ANKS1B: variants seen among roughly 807,000 people sequenced by gnomAD.
The protein encoded by ANKS1B is ankyrin repeat and sterile alpha motif domain-containing protein 1B.
In ANKS1B, 36 loss-of-function variants were observed where a neutral mutation model predicts 148.3. The observed-to-expected ratio is 0.24, with a 90% CI of 0.19 to 0.32. The LOEUF is 0.32. ANKS1B is among the 10% of genes least tolerant of loss of function. ANKS1B has a pLI of 1.00. For missense variants in ANKS1B, 1,157 were observed against 1,542.6 expected, an observed-to-expected ratio of 0.75 and a Z score of 4.19; for synonymous variants, 542 against 560.8, an observed-to-expected ratio of 0.97 and a Z score of 0.47.
At chr12:99,702,466 A>G (rs1555554903) in intron 8 of ANKS1B, among the ~76,000 whole-genome samples, 1 of 151,998 alleles carries the variant, frequency 6.6e-6, no homozygotes. Flanking sequence ...GGTTGTCTGC[A>G]AATATTGTCT....
chr12:99,197,882 A>G (rs1174588064), intron 14 of ANKS1B, among the ~76,000 whole-genome samples: 1 of 152,160 alleles, frequency 6.6e-6, no homozygotes, highest in Non-Finnish European at 1.5e-5. Flanking sequence ...TTAAGCTTCC[A>G]AGTCTATGGT....
At chr12:99,099,866 T>C (rs1045112309) in intron 15 of ANKS1B, 4 of 152,144 alleles carry the variant, frequency 2.6e-5, no homozygotes, top group African/African-American at 9.7e-5. Context: ...AAAAGGTTTG[T>C]ACGTATTTTT....
At chr12:99,579,773 T>C (rs545021608) in intron 9 of ANKS1B, among the ~76,000 whole-genome samples, 1 of 152,242 alleles carries the variant, frequency 6.6e-6, no homozygotes, top group South Asian at 2.1e-4. Context: ...AGTCCACCCA[T>C]AGCAGAAAGC....
At chr12:98,875,443 C>G (rs1358967126) in intron 17 of ANKS1B, among the ~76,000 whole-genome samples, 1 of 152,168 alleles carries the variant, frequency 6.6e-6, no homozygotes, top group African/African-American at 2.4e-5. Flanking sequence ...CTCTTTCCAA[C>G]TCTCTCCTCC....
At chr12:99,032,024 G>A (rs2099952541) in intron 17 of ANKS1B, among the ~76,000 whole-genome samples, 1 of 152,132 alleles carries the variant, frequency 6.6e-6, no homozygotes, top group South Asian at 2.1e-4. Context: ...TGTCAGGCAG[G>A]CCCTTCTTCT....
chr12:99,095,119 A>C (rs1311585010), intron 15 of ANKS1B, among the ~76,000 whole-genome samples: 1 of 152,204 alleles, frequency 6.6e-6, no homozygotes, highest in African/African-American at 2.4e-5. Flanking sequence ...ATAGTCTTTG[A>C]TAAAGGTTCT....
intron 9 of ANKS1B, among the ~76,000 whole-genome samples, chr12:99,609,481 C>T (rs1305298090): frequency 2.0e-5 from 3 of 151,712 alleles, no homozygotes; most frequent in Admixed American, 6.6e-5. Flanking sequence ...AAGACCTTTG[C>T]TACCACAGGA....
At chr12:99,902,454 C>T (rs1353791666) in intron 1 of ANKS1B, among the ~76,000 whole-genome samples, 4 of 152,198 alleles carry the variant, frequency 2.6e-5, no homozygotes, top group African/African-American at 4.8e-5. Flanking sequence ...ATTCTAGGAG[C>T]GAGCAACGGA....
At chr12:99,357,150 T>C (rs1428938556) in intron 12 of ANKS1B, among the ~76,000 whole-genome samples, 2 of 152,084 alleles carry the variant, frequency 1.3e-5, no homozygotes, top group Non-Finnish European at 2.9e-5. Flanking sequence ...AATAATAAAA[T>C]TGGGTTCATT....
chr12:98,995,312 C>T (rs1568252902), intron 17 of ANKS1B, among the ~76,000 whole-genome samples: 1 of 152,034 alleles, frequency 6.6e-6, no homozygotes, highest in Non-Finnish European at 1.5e-5. Flanking sequence ...GGAAGCTGGC[C>T]AGGCATGGTG....
intron 10 of ANKS1B, among the ~76,000 whole-genome samples, chr12:99,488,924 G>A (rs973668218): frequency 2.0e-5 from 3 of 152,092 alleles, no homozygotes; most frequent in Non-Finnish European, 2.9e-5. Flanking sequence ...TGATGACAGA[G>A]CCATTATACT....
At chr12:98,955,971 G>A (rs926780248) in intron 17 of ANKS1B, among the ~76,000 whole-genome samples, 10 of 152,214 alleles carry the variant, frequency 6.6e-5, no homozygotes, top group African/African-American at 1.9e-4. Context: ...ACTTTGGGAT[G>A]TGACATTGGA....
chr12:99,173,137 A>G (rs921171252), intron 14 of ANKS1B, among the ~76,000 whole-genome samples: 2 of 152,196 alleles, frequency 1.3e-5, no homozygotes, highest in Admixed American at 6.5e-5. Context: ...TGAACACAGA[A>G]GAGGCACTGA....
chr12:99,444,692 C>A (rs1269985211), intron 10 of ANKS1B, among the ~76,000 whole-genome samples: 1 of 151,884 alleles, frequency 6.6e-6, no homozygotes, highest in East Asian at 1.9e-4. Flanking sequence ...ATGAAAACTG[C>A]TGCAAGCTCA....
At chr12:99,204,824 TA>T (rs1270345889) in intron 14 of ANKS1B, among the ~76,000 whole-genome samples, 1 of 152,180 alleles carries the variant, frequency 6.6e-6, no homozygotes, top group African/African-American at 2.4e-5. Context: ...CACACTGTCT[TA>T]TATTATTTTT....
intron 14 of ANKS1B, among the ~76,000 whole-genome samples, chr12:99,169,402 T>G (rs924577006): frequency 2.0e-5 from 3 of 152,020 alleles, no homozygotes; most frequent in African/African-American, 7.2e-5. Context: ...AAATGACATT[T>G]GGAAAGGATG....
At chr12:99,488,665 T>C (rs906582844) in intron 10 of ANKS1B, among the ~76,000 whole-genome samples, 5 of 152,150 alleles carry the variant, frequency 3.3e-5, no homozygotes, top group African/African-American at 9.7e-5. Context: ...CCATTACCAT[T>C]AAGAATGCAA....
chr12:99,591,368 T>G (rs2153234269), intron 9 of ANKS1B, among the ~76,000 whole-genome samples: 1 of 152,214 alleles, frequency 6.6e-6, no homozygotes, highest in East Asian at 1.9e-4. Flanking sequence ...AAGAAAAATA[T>G]TCTGATGGTC....
chr12:99,078,557 G>T (rs1410705400), intron 16 of ANKS1B, among the ~76,000 whole-genome samples: 1 of 152,240 alleles, frequency 6.6e-6, no homozygotes, highest in Middle Eastern at 3.4e-3. Flanking sequence ...CAGTAGCAAA[G>T]GTGGCTCTTA....
Sources: allele counts gnomAD v4.1 joint callset (sites outside exome capture counted in the v4.1 genomes callset), GRCh38; gene constraint gnomAD v4.1.1; transcripts MANE v1.5; gene names NCBI Gene and HGNC (gene_info 2026-07-23, HGNC 2026-07-21).